Variants in KIAA1217 observed in about 807,000 individuals in gnomAD.
KIAA1217 encodes sickle tail protein homolog.
Under a neutral mutation model 163.9 loss-of-function variants are expected in KIAA1217, and 88 were observed. That is an observed-to-expected ratio of 0.54 (90% CI 0.45 to 0.64). The LOEUF (loss-of-function observed/expected upper bound fraction) is 0.64, where lower values mean the gene tolerates loss of function less well. Among genes scored for constraint, KIAA1217 ranks in the 30% least tolerant of loss-of-function variants. KIAA1217 has a pLI of 0.00. For missense variants in KIAA1217, 2,372 were observed against 2,475.0 expected (o/e 0.96, Z 0.88); for synonymous variants, 903 against 923.1 (o/e 0.98, Z 0.39).
intron 1 of KIAA1217, among the ~76,000 whole-genome samples, chr10:23,833,187 A>T (rs1176143544): frequency 6.6e-6 from 1 of 152,208 alleles, no homozygotes; most frequent in African/African-American, 2.4e-5. Flanking sequence ...TATGATAATT[A>T]AATGAGAGAA....
At chr10:24,450,735 C>G (rs2061322038) in intron 5 of KIAA1217, among the ~76,000 whole-genome samples, 1 of 152,122 alleles carries the variant, frequency 6.6e-6, no homozygotes, top group Non-Finnish European at 1.5e-5. Context: ...CTATTACACC[C>G]ATTTTAAGTT....
Position 24,433,023 on chromosome 10 carries a change from A to C in KIAA1217, c.582A>C (p.Glu194Asp), listed in dbSNP as rs1432330360. The change falls in exon 4 of 21, where the codon GAA becomes GAC. Residue 194 changes from glutamate (E) to aspartate (D), a missense_variant. Physicochemically the swap from Glu to Asp is conservative, Grantham distance 45 (BLOSUM62 2). Transcript: ENST00000376454. ...LGVLYLQYGD[E>D]TKQLRMPNEI... The stretch of plus-strand genomic sequence containing the variant: ...TTCTCTATCTCCAGTATGGAGATGA[A>C]ACCAAGCAGCTCAGGATGCCGAATG... The C allele has an allele frequency of 1.2e-6, 2 of 1,613,992 alleles. No homozygotes were observed. The highest frequency in any genetic ancestry group is 2.7e-5 in the African/African-American group (2 of 74,914).
At chr10:24,041,232 T>C (rs1848620234) in intron 2 of KIAA1217, among the ~76,000 whole-genome samples, 1 of 152,184 alleles carries the variant, frequency 6.6e-6, no homozygotes, top group South Asian at 2.1e-4. Context: ...TGGAAACAGC[T>C]TAACCTCAAG....
chr10:23,752,157 G>T (rs1049875272), intron 1 of KIAA1217, among the ~76,000 whole-genome samples: 1 of 151,426 alleles, frequency 6.6e-6, no homozygotes, highest in Non-Finnish European at 1.5e-5. Context: ...TTTTCATAAA[G>T]AAACAGATTG....
At chr10:24,336,050 G>A (rs191156283) in intron 2 of KIAA1217, among the ~76,000 whole-genome samples, 1 of 152,322 alleles carries the variant, frequency 6.6e-6, no homozygotes, top group East Asian at 1.9e-4. Flanking sequence ...AGACCAGCCT[G>A]GCCAACATGG....
intron 2 of KIAA1217, among the ~76,000 whole-genome samples, chr10:24,343,587 T>C (rs1273924731): frequency 1.3e-5 from 2 of 152,226 alleles, no homozygotes; most frequent in East Asian, 3.8e-4. Flanking sequence ...AAAATTTTCA[T>C]GCAATCAACC....
intron 2 of KIAA1217, among the ~76,000 whole-genome samples, chr10:24,378,674 G>A (rs573043569): frequency 4.0e-4 from 61 of 151,944 alleles, no homozygotes; most frequent in African/African-American, 1.4e-3. Context: ...AGGGTATCTG[G>A]CACAAGTGTC....
chr10:24,210,461 A>G (rs1178070083), intron 1 of KIAA1217, among the ~76,000 whole-genome samples: 1 of 21,840 alleles, frequency 4.6e-5, no homozygotes, highest in East Asian at 1.5e-3. Context: ...CGTCCCCCTG[A>G]CCCCCGCAAC....
chr10:24,424,730 G>C (rs1564654480), intron 3 of KIAA1217, among the ~76,000 whole-genome samples: 1 of 152,180 alleles, frequency 6.6e-6, no homozygotes, highest in Non-Finnish European at 1.5e-5. Flanking sequence ...AGCCTCCCGA[G>C]TAGCTGGGAT....
Position 24,524,433 on chromosome 10 carries a change from C to T in KIAA1217, c.2567C>T (p.Ala856Val). Residue 856 changes from alanine to valine, a missense_variant, in exon 13 of 21, where the codon GCC becomes GTC. Physicochemically the swap from Ala to Val is moderately conservative, Grantham distance 64. Coordinates refer to ENST00000376454, the MANE Select transcript of KIAA1217 (RefSeq NM_019590.5). ...AEVLKSQEEA[A>V]HTSGQPFHST... ...GTCCTGAAGAGTCAGGAGGAGGCAG[C>T]CCACACCTCCGGCCAGCCCTTCCAC... 1 of 1,614,212 alleles carries T rather than the reference C, an allele frequency of 6.2e-7. No homozygotes were observed. Among genetic ancestry groups the T allele is most frequent in the Non-Finnish European group, 8.5e-7 (1 of 1,180,036 alleles).
chr10:24,340,446 A>G (rs114601212), intron 2 of KIAA1217, among the ~76,000 whole-genome samples: 3,899 of 152,170 alleles, frequency 0.026, 185 homozygotes, highest in African/African-American at 0.089. Context: ...TTCCACCATG[A>G]TTGTGAGGCC....
At chr10:23,852,471 T>C (rs1235626480) in intron 1 of KIAA1217, among the ~76,000 whole-genome samples, 1 of 152,214 alleles carries the variant, frequency 6.6e-6, no homozygotes, top group East Asian at 1.9e-4. Flanking sequence ...TTTGTTCTTT[T>C]GGCTTAGGAT....
chr10:23,694,961 A>T (rs1228313762), exon 1 of KIAA1217: 5 of 152,042 alleles, frequency 3.3e-5, no homozygotes, highest in Non-Finnish European at 7.4e-5. Flanking sequence ...GGCAGAAACG[A>T]CCCGGCGGAG....
At chr10:24,289,915 A>G (rs574529195) in intron 2 of KIAA1217, among the ~76,000 whole-genome samples, 18 of 152,264 alleles carry the variant, frequency 1.2e-4, no homozygotes, top group Non-Finnish European at 2.4e-4. Context: ...TTTTAATAGT[A>G]GGCTGAAAGA....
At chr10:23,897,782 A>T (rs1268998241) in intron 1 of KIAA1217, among the ~76,000 whole-genome samples, 5 of 152,114 alleles carry the variant, frequency 3.3e-5, no homozygotes, top group Admixed American at 2.0e-4. Context: ...ATAAAAAAGG[A>T]TTAAATATAA....
At chr10:24,135,432 C>G (rs1217993974) in intron 2 of KIAA1217, among the ~76,000 whole-genome samples, 1 of 151,888 alleles carries the variant, frequency 6.6e-6, no homozygotes, top group South Asian at 2.1e-4. Flanking sequence ...CTGGGATTGG[C>G]GTGGGGACTG....
chr10:23,913,516 T>C (rs1215971181), intron 1 of KIAA1217, among the ~76,000 whole-genome samples: 1 of 151,884 alleles, frequency 6.6e-6, no homozygotes, highest in East Asian at 1.9e-4. Context: ...TTTTTGGAGA[T>C]GAAAGCAAGG....
chr10:24,457,550 C>T (rs566881757), intron 5 of KIAA1217, among the ~76,000 whole-genome samples: 2 of 152,222 alleles, frequency 1.3e-5, no homozygotes, highest in African/African-American at 4.8e-5. Flanking sequence ...CATGCACCAC[C>T]ATGCCTGGCT....
At chr10:23,841,529 G>A (rs1447470983) in intron 1 of KIAA1217, among the ~76,000 whole-genome samples, 1 of 151,746 alleles carries the variant, frequency 6.6e-6, no homozygotes, top group Non-Finnish European at 1.5e-5. Context: ...ACCTTTTTAT[G>A]TATGCTATTC....
Sources: gnomAD v4.1 joint callset for allele counts (sites outside exome capture counted in the v4.1 genomes callset) on GRCh38, gnomAD v4.1.1 for gene constraint, MANE v1.5 for transcripts, NCBI Gene and HGNC (gene_info 2026-07-23, HGNC 2026-07-21) for gene names.